Variants in MGA observed in about 807,000 individuals in gnomAD.
MGA encodes the protein MAX dimerization protein MGA, also known as MAX gene-associated protein.
Under a neutral mutation model 261.1 loss-of-function variants are expected in MGA, and 40 were observed. The observed-to-expected ratio is 0.15, with a 90% CI of 0.12 to 0.20. The LOEUF (loss-of-function observed/expected upper bound fraction) is 0.20, where lower values mean the gene tolerates loss of function less well. Ranked by LOEUF, MGA falls within the 10% of genes least tolerant of loss-of-function variation. The probability of loss-of-function intolerance (pLI) is 1.00; values close to 1 mark genes in which losing one functional copy is unlikely to be tolerated. For synonymous variants in MGA, 1,302 were observed against 1,290.6 expected (o/e 1.01, Z -0.19); for missense variants, 3,397 against 3,630.5 (o/e 0.94, Z 1.65).
chr15:41,629,080 T>C (rs1362113306), intron 1 of MGA, among the ~76,000 whole-genome samples: 1 of 123,956 alleles, frequency 8.1e-6, no homozygotes. Flanking sequence ...CACTCCAGCC[T>C]GGGCGACTGA....
At chr15:41,624,334 G>C (rs781154194) in intron 1 of MGA, among the ~76,000 whole-genome samples, 1 of 151,698 alleles carries the variant, frequency 6.6e-6, no homozygotes, top group Non-Finnish European at 1.5e-5. Context: ...TGCAACTTCC[G>C]CATCCCAGTT....
Position 41,748,827 on chromosome 15 carries a change from C to T in MGA, c.5403C>T (p.Phe1801=). 17 of 1,613,970 alleles carry T rather than the reference C, an allele frequency of 1.1e-5. No homozygotes were observed. Among genetic ancestry groups the T allele is most frequent in the Non-Finnish European group, 1.4e-5 (16 of 1,179,878 alleles). Residue 1801 remains phenylalanine, a synonymous_variant, in exon 16 of 24, where the codon TTC becomes TTT. Coordinates refer to ENST00000219905, the MANE Select transcript of MGA (RefSeq NM_001164273.2). ...GGAGTCCAAGTGGAATGAACTTATT[C>T]AGGCACCCTAATGGGCAGATTGTCC...
Position 41,766,941 on chromosome 15 carries a change from C to T in MGA, c.8859C>T (p.Gly2953=). The change falls in exon 24 of 24, where the codon GGC becomes GGT. Residue 2953 remains glycine (G), a synonymous_variant. Transcript: ENST00000219905. ...TTGATGGAGGGAAGAATACTTCTGG[C>T]CTCCCTGCAGAGCCCGAAAGTGTGT... The T allele has an allele frequency of 6.2e-7, 1 of 1,613,992 alleles. No individual in the cohort carries two copies. The highest frequency in any genetic ancestry group is 1.3e-5 in the African/African-American group (1 of 75,042).
intron 9 of MGA, among the ~76,000 whole-genome samples, chr15:41,721,436 C>A (rs1392807130): frequency 1.3e-5 from 2 of 151,950 alleles, no homozygotes; most frequent in Non-Finnish European, 2.9e-5. Flanking sequence ...CCACTGCACT[C>A]CAGCCTGGGA....
Position 41,749,276 on chromosome 15 carries a change from G to A in MGA, c.5669G>A (p.Gly1890Glu), listed in dbSNP as rs1395689219. The A allele has an allele frequency of 6.2e-7, 1 of 1,613,820 alleles. No homozygotes were observed. The highest frequency in any genetic ancestry group is 8.5e-7 in the Non-Finnish European group (1 of 1,179,896). Residue 1890 changes from glycine (G) to glutamate (E), a missense_variant, in exon 17 of 24, where the codon GGA becomes GAA. Gly to Glu is a moderately conservative substitution (Grantham distance 98). Around this residue, in one of 9 missense-constraint regions of MGA, gnomAD observed 1,410 missense variants for 1,386.4 expected, o/e 1.02. Coordinates refer to ENST00000219905, the MANE Select transcript of MGA (RefSeq NM_001164273.2). ...CAGGCACCATCATTGCTTTCCTCTG[G>A]AGCTAGTTTTGTGTCTCAGGCTGGT...
intron 9 of MGA, among the ~76,000 whole-genome samples, chr15:41,721,195 C>T (rs983658707): frequency 3.9e-5 from 6 of 152,100 alleles, no homozygotes; most frequent in South Asian, 2.1e-4. Context: ...AGGCTGGGCA[C>T]GGTGTCTCAC....
At chr15:41,659,129 G>T (rs916470505), upstream of MGA, among the ~76,000 whole-genome samples, 9 of 152,140 alleles carry the variant, frequency 5.9e-5, no homozygotes, top group African/African-American at 2.2e-4. Flanking sequence ...CTTGCTGACC[G>T]TGCCTGACTT....
Position 41,727,385 on chromosome 15 carries a change from T to C in MGA, c.3636T>C (p.Tyr1212=). The change falls in exon 10 of 24, where the codon TAT becomes TAC. Residue 1212 remains tyrosine, a synonymous_variant. Transcript: ENST00000219905. Reference sequence around the variant, plus strand: ...CTGGAATTAAATCTCCACGGTCATATACTCCCAAACCCAATCCTGTGGTAA... The same window carrying C: ...CTGGAATTAAATCTCCACGGTCATACACTCCCAAACCCAATCCTGTGGTAA... 3 of 1,613,946 alleles carry C rather than the reference T, an allele frequency of 1.9e-6. No homozygotes were observed. Among genetic ancestry groups the C allele is most frequent in the South Asian group, 2.2e-5 (2 of 91,080 alleles).
chr15:41,629,497 C>T (rs1035424224), intron 1 of MGA, among the ~76,000 whole-genome samples: 11 of 151,916 alleles, frequency 7.2e-5, no homozygotes, highest in African/African-American at 2.4e-4. Flanking sequence ...GGGATGTCAT[C>T]GATACATTGA....
chr15:41,726,212 T>C (rs2061240590), intron 9 of MGA, among the ~76,000 whole-genome samples: 1 of 152,158 alleles, frequency 6.6e-6, no homozygotes, highest in South Asian at 2.1e-4. Flanking sequence ...AGGGTTTGAT[T>C]CTGGTTCTGC....
intron 5 of MGA, among the ~76,000 whole-genome samples, chr15:41,704,430 C>T (rs1302158953): frequency 2.0e-5 from 3 of 152,126 alleles, no homozygotes; most frequent in Non-Finnish European, 2.9e-5. Context: ...GAGGCCAAGG[C>T]GGGTGGATCA....
chr15:41,636,427 G>A (rs2056708672), intron 1 of MGA, among the ~76,000 whole-genome samples: 1 of 150,088 alleles, frequency 6.7e-6, no homozygotes, highest in Admixed American at 6.7e-5. Context: ...CCAGTAGCTG[G>A]GATTACAGGT....
At position 41,760,371 on chromosome 15, in the gene MGA, C is replaced by A. The variant is rs1310980612; in HGVS notation, c.7240C>A (p.Leu2414Ile). 1 of 1,614,022 alleles carries A rather than the reference C, an allele frequency of 6.2e-7. No individual in the cohort carries two copies. Among genetic ancestry groups the A allele is most frequent in the African/African-American group, 1.3e-5 (1 of 75,050 alleles). Residue 2414 changes from leucine to isoleucine, a missense_variant, in exon 20 of 24, where the codon CTA (leucine) becomes ATA (isoleucine). Leu to Ile is a conservative substitution (Grantham distance 5). Transcript: ENST00000219905. ...GAAGCCTGATTACTGGAGTGACAAA[C>A]TACAGAAAGAAGCAGAAGCGTTTGC...
At chr15:41,695,100 G>C (rs939802559) in intron 2 of MGA, among the ~76,000 whole-genome samples, 1 of 152,126 alleles carries the variant, frequency 6.6e-6, no homozygotes, top group Non-Finnish European at 1.5e-5. Context: ...GACTTGTATG[G>C]ATATTTTGAG....
At chr15:41,694,401 GA>G (rs899893685) in intron 2 of MGA, among the ~76,000 whole-genome samples, 15 of 150,058 alleles carry the variant, frequency 1.0e-4, no homozygotes, top group Non-Finnish European at 1.6e-4. Context: ...CCATCTCAGG[GA>G]AAAAAAAAGT....
rs866669937 is a variant in MGA at position 41,761,901 on chromosome 15, A to G, written c.7510+51A>G. ...AAAGAGCATAATTATAGCTTTATCA[A>G]GAAGAAATCCTCAGTAGATCTTTCA... is the stretch of plus-strand genomic sequence containing the variant. On this transcript the variant is annotated intron_variant, in intron 21 of 23. Transcript: ENST00000219905. 5.2e-6 allele frequency: 7 copies of G among 1,334,682 alleles called. No individual in the cohort carries two copies. The Middle Eastern group carries it at 1.1e-3, about 209-fold the overall frequency. 82.7% of individuals were successfully genotyped at this position (1,334,682 alleles called of 1,614,324 possible).
chr15:41,746,386 C>CA (rs539365575), intron 15 of MGA, among the ~76,000 whole-genome samples: 78 of 151,200 alleles, frequency 5.2e-4, no homozygotes, highest in Non-Finnish European at 9.2e-4. Flanking sequence ...ACTAAAAATA[C>CA]AAAAAAAATT....
At chr15:41,685,323 A>G (rs954335916) in intron 2 of MGA, among the ~76,000 whole-genome samples, 2 of 152,104 alleles carry the variant, frequency 1.3e-5, no homozygotes, top group Admixed American at 6.5e-5. Context: ...TTATTTGTCT[A>G]TGTTTTCTAT....
At position 41,669,302 on chromosome 15, in the gene MGA, G is replaced by C. The variant is rs769104151; in HGVS notation, c.408G>C (p.Lys136Asn). Residue 136 changes from lysine to asparagine, a missense_variant, in exon 2 of 24, where the codon AAG becomes AAC. By Grantham distance (94) the Lys-to-Asn change is moderately conservative. Coordinates refer to ENST00000219905, the MANE Select transcript of MGA (RefSeq NM_001164273.2). Reference sequence around the variant, plus strand: ...CTCCTGTGGATAACCATCGTTATAAGTGGAATGGTCGTTGGTGGGAACCTA... The same window carrying C: ...CTCCTGTGGATAACCATCGTTATAACTGGAATGGTCGTTGGTGGGAACCTA... 6.2e-7 allele frequency: 1 copy of C among 1,614,024 alleles called. No homozygotes were observed. The highest frequency in any genetic ancestry group is 1.3e-5 in the African/African-American group (1 of 75,052).
Sources: allele counts gnomAD v4.1 joint callset (sites outside exome capture counted in the v4.1 genomes callset), GRCh38; gene constraint gnomAD v4.1.1; regional missense constraint gnomAD v4.1.1; transcripts MANE v1.5; gene names NCBI Gene and HGNC (gene_info 2026-07-23, HGNC 2026-07-21).